RSF1: variants seen among roughly 807,000 people sequenced by gnomAD.
The protein encoded by RSF1 is HBV pX-associated protein 8.
In RSF1, 13 loss-of-function variants were observed where a neutral mutation model predicts 145.2. The ratio of observed to expected loss-of-function variants is 0.09; its 90% CI spans 0.06 to 0.14. The LOEUF (loss-of-function observed/expected upper bound fraction) is 0.14. Among genes scored for constraint, RSF1 ranks in the 10% least tolerant of loss-of-function variants. The pLI, the probability that RSF1 is intolerant of heterozygous loss-of-function variation, is 1.00. For missense variants in RSF1, 1,517 were observed against 1,718.2 expected, an observed-to-expected ratio of 0.88 and a Z score of 2.07; for synonymous variants, 577 against 592.6, an observed-to-expected ratio of 0.97 and a Z score of 0.38.
rs892592746 is a variant in RSF1, at chr11:77,820,580, A to G, written c.135T>C (p.Pro45=). 6.4e-7 allele frequency: 1 copy of G among 1,561,346 alleles called. No individual in the cohort carries two copies. The highest frequency in any genetic ancestry group is 1.9e-5 in the Admixed American group (1 of 51,750). ...GCGCCTGCAGCACCCGCTCCAGCTC[A>G]GGGAACGGCAACTCAGGCAGGTCTA... ...PLLDLPELPF[P]ELERVLQAPP... The change falls in exon 1 of 16, where the codon CCT becomes CCC. Residue 45 remains proline (P), a synonymous_variant. Coordinates refer to ENST00000308488, the MANE Select transcript of RSF1 (RefSeq NM_016578.4).
intron 1 of RSF1, chr11:77,813,356 G>T: frequency 1.1e-6 from 1 of 948,588 alleles, no homozygotes. Flanking sequence ...CTCAACTCCC[G>T]GCTCAAACTG....
rs199537262 is a variant in RSF1, at chr11:77,677,009, G to T, written c.3134-10C>A. 6.2e-7 allele frequency: 1 copy of T among 1,608,612 alleles called. No homozygotes were observed. The highest frequency in any genetic ancestry group is 8.5e-7 in the Non-Finnish European group (1 of 1,177,038). ...TTTCCTCGGCCAACTCCTGAATTTGGGGGAGGGAAGTTCGGGGAGAGAAAA... is the reference window on the plus strand; with the variant it reads ...TTTCCTCGGCCAACTCCTGAATTTGTGGGAGGGAAGTTCGGGGAGAGAAAA... On this transcript the variant is annotated splice_polypyrimidine_tract_variant and intron_variant, in intron 12 of 15. Coordinates refer to ENST00000308488, the MANE Select transcript of RSF1 (RefSeq NM_016578.4).
At chr11:77,806,520 ATT>A (rs1345941667) in intron 1 of RSF1, among the ~76,000 whole-genome samples, 1 of 146,158 alleles carries the variant, frequency 6.8e-6, no homozygotes, top group Non-Finnish European at 1.5e-5. Context: ...ATAAAAAAAG[ATT>A]TTTTTTTTTT....
chr11:77,741,884 ACTGTGATT>A (rs1315199086), intron 3 of RSF1, among the ~76,000 whole-genome samples: 3 of 152,130 alleles, frequency 2.0e-5, no homozygotes, highest in African/African-American at 7.2e-5. Context: ...TCACCAATCT[ACTGTGATT>A]CTATGAGTCT....
At chr11:77,786,814 G>A (rs749543971) in intron 1 of RSF1, among the ~76,000 whole-genome samples, 8 of 152,050 alleles carry the variant, frequency 5.3e-5, no homozygotes, top group Non-Finnish European at 8.8e-5. Context: ...ACAACTAAAC[G>A]ACAACAAAAA....
intron 6 of RSF1, among the ~76,000 whole-genome samples, chr11:77,700,348 A>AC (rs1411507629): frequency 1.7e-5 from 2 of 115,850 alleles, no homozygotes; most frequent in African/African-American, 7.2e-5. Flanking sequence ...AGACTGTCTC[A>AC]CAAAAAAAAA....
At chr11:77,742,704 A>C (rs1366952665) in intron 3 of RSF1, among the ~76,000 whole-genome samples, 2 of 152,186 alleles carry the variant, frequency 1.3e-5, no homozygotes, top group Non-Finnish European at 1.5e-5. Flanking sequence ...TTACCCTGAT[A>C]ATTAGTGATA....
At chr11:77,805,267 G>A (rs1319873582) in intron 1 of RSF1, among the ~76,000 whole-genome samples, 2 of 151,970 alleles carry the variant, frequency 1.3e-5, no homozygotes, top group African/African-American at 2.4e-5. Flanking sequence ...TCAGGAGTTC[G>A]AGACCAGCCC....
chr11:77,782,428 C>T (rs1037407732), intron 1 of RSF1, among the ~76,000 whole-genome samples: 2 of 152,048 alleles, frequency 1.3e-5, no homozygotes, highest in Non-Finnish European at 2.9e-5. Context: ...GTAGTCCCAG[C>T]TACTCAGGAG....
At chr11:77,774,895 T>G (rs1019813365) in intron 1 of RSF1, among the ~76,000 whole-genome samples, 1 of 149,456 alleles carries the variant, frequency 6.7e-6, no homozygotes, top group Non-Finnish European at 1.5e-5. Context: ...GCCTCCCGAG[T>G]AGCTAGGATT....
At chr11:77,722,601 G>A (rs1440372629) in intron 5 of RSF1, among the ~76,000 whole-genome samples, 1 of 152,158 alleles carries the variant, frequency 6.6e-6, no homozygotes, top group Non-Finnish European at 1.5e-5. Flanking sequence ...TCTAGACTCT[G>A]ACACTTAATT....
chr11:77,740,539 CTCATTTACTT>C (rs1264720374), intron 4 of RSF1, among the ~76,000 whole-genome samples, 182 bp downstream of exon 4: 1 of 152,050 alleles, frequency 6.6e-6, no homozygotes, highest in Non-Finnish European at 1.5e-5. Flanking sequence ...ACTGAATATA[CTCATTTACTT>C]GACGAATAAA....
chr11:77,751,111 G>A lies in RSF1; in HGVS notation c.280-3983C>T, dbSNP rs540104263. Among the ~76,000 whole-genome samples the A allele has an allele frequency of 8.1e-4, 123 of 152,276 alleles. 1 individual carries two copies. The highest frequency in any genetic ancestry group is 2.9e-3 in the African/African-American group (120 of 41,546). ...ATGGAAAATGTTGGGCAGAGGAAAG[G>A]AAGGGAGCTTTTTTAAAGGTTCCGT... On this transcript the variant is annotated intron_variant, in intron 2 of 15. Coordinates refer to ENST00000308488, the MANE Select transcript of RSF1 (RefSeq NM_016578.4).
At chr11:77,720,352 C>G (rs1486212124) in intron 5 of RSF1, among the ~76,000 whole-genome samples, 1 of 152,102 alleles carries the variant, frequency 6.6e-6, no homozygotes, top group Admixed American at 6.5e-5. Context: ...GCTTTTTCCC[C>G]AGAAAAGTTT....
In RSF1 at chr11:77,716,892, A is replaced by G. The variant is rs1435705755; in HGVS notation, c.733+8653T>C. The stretch of plus-strand genomic sequence containing the variant: ...TTTCTTTGTCAATTAAAAAATTTAA[A>G]CCCAGCCAGGCATGCTGGCTCATGC... On this transcript the variant is annotated intron_variant, in intron 5 of 15. Coordinates refer to ENST00000308488, the MANE Select transcript of RSF1 (RefSeq NM_016578.4). Among the ~76,000 whole-genome samples the G allele has an allele frequency of 2.0e-5, 3 of 152,126 alleles. No individual in the cohort carries two copies. In the East Asian group the frequency reaches 5.8e-4, roughly 29 times the overall value.
At chr11:77,825,928 A>C in the RSF1 span, among the ~76,000 whole-genome samples, 4 of 151,806 alleles carry the variant, frequency 2.6e-5, no homozygotes, top group Admixed American at 2.6e-4. Flanking sequence ...CTGACCTCAG[A>C]TGATCTGCTC....
intron 1 of RSF1, among the ~76,000 whole-genome samples, chr11:77,786,356 A>G (rs1351160565): frequency 2.0e-5 from 3 of 152,238 alleles, no homozygotes; most frequent in Non-Finnish European, 4.4e-5. Context: ...ACGCGAATAA[A>G]AAATTACCCA....
At chr11:77,671,138 A>AATATATATAT (rs1225103987) in intron 15 of RSF1, among the ~76,000 whole-genome samples, 42 of 22,020 alleles carry the variant, frequency 1.9e-3, no homozygotes, top group South Asian at 2.8e-3. Context: ...AAAAAAAAAA[A>AATATATATAT]ATATATATAT....
the RSF1 span, among the ~76,000 whole-genome samples, chr11:77,856,605 A>G: frequency 6.6e-6 from 1 of 152,332 alleles, no homozygotes; most frequent in East Asian, 1.9e-4. Flanking sequence ...CAGGAAGCAT[A>G]GCTGGGGAGC....
Sources: allele counts gnomAD v4.1 joint callset (sites outside exome capture counted in the v4.1 genomes callset), GRCh38; gene constraint gnomAD v4.1.1; transcripts MANE v1.5; gene names NCBI Gene and HGNC (gene_info 2026-07-23, HGNC 2026-07-21).